Variants in BAZ2B observed in about 807,000 individuals in gnomAD.
BAZ2B encodes the protein bromodomain adjacent to zinc finger domain protein 2B.
BAZ2B carries 91 observed loss-of-function variants against 246.0 expected under a neutral mutation model. The ratio of observed to expected loss-of-function variants is 0.37; its 90% CI spans 0.31 to 0.44. The LOEUF (loss-of-function observed/expected upper bound fraction) is 0.44, where lower values mean the gene tolerates loss of function less well. BAZ2B is among the 20% of genes least tolerant of loss of function. The probability of loss-of-function intolerance (pLI) is 1.00; values close to 1 mark genes in which losing one functional copy is unlikely to be tolerated. For missense variants in BAZ2B, 2,332 were observed against 2,533.7 expected (o/e 0.92, Z 1.71); for synonymous variants, 855 against 860.0 (o/e 0.99, Z 0.10).
rs201605818 is a variant in BAZ2B, at chr2:159,337,550, A to G, written c.5660+17T>C. 2.5e-4 allele frequency: 409 copies of G among 1,613,966 alleles called. No homozygotes were observed. The highest frequency in any genetic ancestry group is 3.3e-4 in the Non-Finnish European group (385 of 1,179,968). Reference sequence around the variant, plus strand: ...AGTTTGATCTGAATGGTGGTACTTAAGGGGCTCTTCAGATACCTTCTTTCA... The same window carrying G: ...AGTTTGATCTGAATGGTGGTACTTAGGGGGCTCTTCAGATACCTTCTTTCA... On this transcript the variant is annotated intron_variant, in intron 32 of 36. Coordinates refer to ENST00000392783, the MANE Select transcript of BAZ2B (RefSeq NM_013450.4).
intron 2 of BAZ2B, among the ~76,000 whole-genome samples, chr2:159,528,609 G>C (rs925397194): frequency 6.6e-6 from 1 of 151,674 alleles, no homozygotes; most frequent in African/African-American, 2.4e-5. Context: ...CTTGAACCTG[G>C]GAGGCGGAGG....
intron 2 of BAZ2B, among the ~76,000 whole-genome samples, chr2:159,549,692 A>G (rs1014578060): frequency 6.6e-6 from 1 of 151,920 alleles, no homozygotes; most frequent in African/African-American, 2.4e-5. Context: ...CCTGGGCTGC[A>G]TGTGGCCCAC....
intron 2 of BAZ2B, among the ~76,000 whole-genome samples, chr2:159,500,698 A>G (rs902364708): frequency 6.6e-6 from 1 of 152,186 alleles, no homozygotes; most frequent in Non-Finnish European, 1.5e-5. Context: ...TCATGCCTGT[A>G]ATCCCAACAC....
chr2:159,435,364 G>GT lies in BAZ2B; in HGVS notation c.1294-2002dup, dbSNP rs1346545938. 667 of 143,598 alleles carry GT rather than the reference G, an allele frequency of 4.6e-3. 6 individuals carry two copies. The highest frequency in any genetic ancestry group is 0.015 in the African/African-American group (588 of 38,940). 8.9% of individuals were successfully genotyped at this position (143,598 alleles called of 1,614,324 possible). A position where few individuals can be genotyped will look rare whatever the true frequency, so the allele number is the denominator to read the frequency against. On this transcript the variant is annotated intron_variant, in intron 8 of 36. Transcript: ENST00000392783. Reference sequence around the variant, plus strand: ...CTGGCTAATGTTTTTGTTTTTTTTAGTTTTTTTTTTGAGACAGAGTCTCAC... The same window carrying GT: ...CTGGCTAATGTTTTTGTTTTTTTTAGTTTTTTTTTTTGAGACAGAGTCTCAC...
chr2:159,412,997 G>C (rs887887793), intron 13 of BAZ2B, among the ~76,000 whole-genome samples: 6 of 152,142 alleles, frequency 3.9e-5, no homozygotes, highest in Non-Finnish European at 8.8e-5. Context: ...AAGACAGAAA[G>C]AGTTAGAATA....
At chr2:159,328,478 C>T (rs971423332) in intron 34 of BAZ2B, among the ~76,000 whole-genome samples, 7 of 152,220 alleles carry the variant, frequency 4.6e-5, no homozygotes, top group African/African-American at 1.7e-4. Context: ...AATTTGTTTC[C>T]AATATTTAAT....
intron 19 of BAZ2B, chr2:159,396,629 T>C (rs2064065138): frequency 6.6e-6 from 1 of 152,218 alleles, no homozygotes; most frequent in Non-Finnish European, 1.5e-5. Context: ...TGTTTAAGCA[T>C]ATTTGGTTTC....
At chr2:159,479,401 T>C (rs545634683) in intron 2 of BAZ2B, among the ~76,000 whole-genome samples, 12 of 152,300 alleles carry the variant, frequency 7.9e-5, no homozygotes, top group African/African-American at 2.6e-4. Context: ...TATTAAAAAT[T>C]TGGAATATAA....
Position 159,382,919 on chromosome 2 carries a change from G to A in BAZ2B, c.3762-117C>T, listed in dbSNP as rs903290130. On this transcript the variant is annotated intron_variant, in intron 24 of 36. Transcript: ENST00000392783. ...TTATGGCATTTCTTTTGTGTTAAGC[G>A]ATATACCAATGTTAAAAAAAATTAG... 21 of 1,323,970 alleles carry A rather than the reference G, an allele frequency of 1.6e-5. No homozygotes were observed. The African/African-American group carries it at 1.8e-4, about 11-fold the overall frequency. The allele number at this position is 1,323,970 out of a possible 1,614,324, so 82.0% of individuals were successfully genotyped here.
chr2:159,430,811 C>T (rs1275527165), intron 10 of BAZ2B, 52 bp downstream of exon 10: 11 of 1,552,218 alleles, frequency 7.1e-6, no homozygotes, highest in Non-Finnish European at 9.5e-6. Flanking sequence ...AATAAAAATT[C>T]TTGCTATGGT....
At position 159,415,753 on chromosome 2, in the gene BAZ2B, G is replaced by C. The variant is rs183237902; in HGVS notation, c.2467-3208C>G. On this transcript the variant is annotated intron_variant, in intron 13 of 36. Transcript: ENST00000392783. ...GTTCTTGAGTTTTACGTTATAACAT[G>C]ATTTGCCTAACCTGGGGCAAGAAGT... Among the ~76,000 whole-genome samples, 28 of 152,272 alleles carry C rather than the reference G, an allele frequency of 1.8e-4. 1 individual carries two copies. Among genetic ancestry groups the C allele is most frequent in the Middle Eastern group, 3.4e-3 (1 of 294 alleles).
At chr2:159,624,726 A>T in the BAZ2B span, among the ~76,000 whole-genome samples, 3 of 152,198 alleles carry the variant, frequency 2.0e-5, no homozygotes, top group Non-Finnish European at 4.4e-5. Flanking sequence ...GATGGGGAGA[A>T]ACCAGCCCAA....
the BAZ2B span, among the ~76,000 whole-genome samples, chr2:159,663,315 C>T: frequency 6.6e-6 from 1 of 151,652 alleles, no homozygotes; most frequent in African/African-American, 2.4e-5. Context: ...AATTCTCCTG[C>T]CTCAGCCTCC....
At chr2:159,559,200 G>C (rs1189234217) in intron 1 of BAZ2B, among the ~76,000 whole-genome samples, 2 of 151,834 alleles carry the variant, frequency 1.3e-5, no homozygotes, top group East Asian at 1.9e-4. Flanking sequence ...AGCTCTGATC[G>C]TACTACTGCA....
At chr2:159,492,027 C>T (rs1470805811) in intron 2 of BAZ2B, among the ~76,000 whole-genome samples, 3 of 152,242 alleles carry the variant, frequency 2.0e-5, no homozygotes, top group Middle Eastern at 3.4e-3. Context: ...TTCTCCCATT[C>T]GTATTAACAA....
At chr2:159,679,013 C>T in the BAZ2B span, among the ~76,000 whole-genome samples, 1 of 152,316 alleles carries the variant, frequency 6.6e-6, no homozygotes, top group East Asian at 1.9e-4. Context: ...TGGCTCACGC[C>T]TGTAATCCCA....
upstream of BAZ2B, among the ~76,000 whole-genome samples, chr2:159,618,466 T>C (rs1696296216): frequency 6.6e-6 from 1 of 152,130 alleles, no homozygotes; most frequent in Non-Finnish European, 1.5e-5. Flanking sequence ...AGTTCTATAA[T>C]CTCAAAATTT....
intron 2 of BAZ2B, among the ~76,000 whole-genome samples, chr2:159,539,916 C>T (rs2086459125): frequency 6.6e-6 from 1 of 152,130 alleles, no homozygotes. Context: ...ATTCATTTCT[C>T]AACACAAGTG....
intron 2 of BAZ2B, among the ~76,000 whole-genome samples, chr2:159,526,836 A>G (rs1443386551): frequency 1.3e-5 from 2 of 152,150 alleles, no homozygotes; most frequent in African/African-American, 4.8e-5. Flanking sequence ...TAGAAGGAAA[A>G]AAACCTAATA....
Sources: allele counts gnomAD v4.1 joint callset (sites outside exome capture counted in the v4.1 genomes callset), GRCh38; gene constraint gnomAD v4.1.1; transcripts MANE v1.5; gene names NCBI Gene and HGNC (gene_info 2026-07-23, HGNC 2026-07-21).